RGS5: variants seen among roughly 807,000 people sequenced by gnomAD.
The protein encoded by RGS5 is regulator of G protein signaling 5.
A neutral mutation model predicts 18.9 loss-of-function variants in RGS5; 20 were observed. The ratio of observed to expected loss-of-function variants is 1.06; its 90% CI spans 0.74 to 1.54. The LOEUF is 1.54. RGS5 is among the 40% of genes most tolerant of loss of function. The pLI is 0.00. For missense variants in RGS5, 201 were observed against 211.8 expected, an observed-to-expected ratio of 0.95 and a Z score of 0.32; for synonymous variants, 57 against 76.2, an observed-to-expected ratio of 0.75 and a Z score of 1.31.
intron 1 of RGS5, among the ~76,000 whole-genome samples, chr1:163,175,990 C>T (rs1658541158): frequency 6.6e-6 from 1 of 152,128 alleles, no homozygotes; most frequent in Admixed American, 6.6e-5. Flanking sequence ...GGCTTTCACT[C>T]ATATTAGTGA....
At chr1:163,217,014 A>G (rs891379780) in intron 1 of RGS5, among the ~76,000 whole-genome samples, 1 of 152,164 alleles carries the variant, frequency 6.6e-6, no homozygotes, top group East Asian at 1.9e-4. Context: ...GGTCTCACAT[A>G]TAAGTGGAGG....
chr1:163,285,416 G>A (rs10917712), intron 2 of RGS5, among the ~76,000 whole-genome samples: 47 of 151,892 alleles, frequency 3.1e-4, no homozygotes, highest in South Asian at 4.2e-4. Context: ...TTAGCTGGGC[G>A]TGGTGGCAGG....
intron 2 of RGS5, among the ~76,000 whole-genome samples, chr1:163,273,524 A>ATT (rs1648775668): frequency 6.6e-6 from 1 of 151,874 alleles, no homozygotes; most frequent in Non-Finnish European, 1.5e-5. Context: ...CTTTTATATG[A>ATT]TTTTTATCTC....
chr1:163,257,709 C>T (rs1014983483), intron 2 of RGS5, among the ~76,000 whole-genome samples: 3 of 152,136 alleles, frequency 2.0e-5, no homozygotes, highest in African/African-American at 7.2e-5. Context: ...GACAAAGATA[C>T]CAACACACAC....
At chr1:163,262,630 GTC>G (rs1357043622) in intron 2 of RGS5, among the ~76,000 whole-genome samples, 1 of 121,764 alleles carries the variant, frequency 8.2e-6, no homozygotes, top group Non-Finnish European at 1.7e-5. Flanking sequence ...GTGTGCATGT[GTC>G]TTTATAGCAG....
chr1:163,293,130 A>G (rs1429254182), intron 2 of RGS5, among the ~76,000 whole-genome samples: 1 of 152,184 alleles, frequency 6.6e-6, no homozygotes, highest in East Asian at 1.9e-4. Flanking sequence ...GTTGTCTTCT[A>G]CGGTTTTTAT....
chr1:163,189,213 G>A (rs1659237713), intron 1 of RGS5, among the ~76,000 whole-genome samples: 1 of 152,088 alleles, frequency 6.6e-6, no homozygotes, highest in African/African-American at 2.4e-5. Flanking sequence ...TCTTACCGTG[G>A]CAAAATTAAA....
At chr1:163,275,146 C>G (rs1648820562) in intron 2 of RGS5, among the ~76,000 whole-genome samples, 1 of 152,120 alleles carries the variant, frequency 6.6e-6, no homozygotes, top group Non-Finnish European at 1.5e-5. Context: ...TTAGGCTGTT[C>G]TCAAGTCTTC....
intron 1 of RGS5, among the ~76,000 whole-genome samples, chr1:163,181,713 C>T (rs1489146494): frequency 1.3e-5 from 2 of 152,066 alleles, no homozygotes; most frequent in African/African-American, 2.4e-5. Context: ...GGTGCCTTGT[C>T]TTACTTCCTT....
At chr1:163,153,057 A>G (rs919193347) in intron 3 of RGS5, among the ~76,000 whole-genome samples, 5 of 152,226 alleles carry the variant, frequency 3.3e-5, no homozygotes, top group Non-Finnish European at 7.3e-5. Context: ...AAGGAACACT[A>G]TTAACACTAA....
At chr1:163,311,096 G>C (rs1649846379) in intron 1 of RGS5, among the ~76,000 whole-genome samples, 4 of 152,332 alleles carry the variant, frequency 2.6e-5, no homozygotes, top group African/African-American at 9.6e-5. Context: ...TTTGTGTGGA[G>C]ACACAAAGCC....
At chr1:163,217,486 T>C in intron 1 of RGS5, 1 of 1,494,478 alleles carries the variant, frequency 6.7e-7, no homozygotes, top group South Asian at 1.3e-5. Flanking sequence ...AATTATAACA[T>C]TAAAGAAAAC....
intron 1 of RGS5, chr1:163,217,479 T>C: frequency 6.7e-7 from 1 of 1,483,168 alleles, no homozygotes; most frequent in South Asian, 1.4e-5. Flanking sequence ...TCCTGTAAAT[T>C]ATAACATTAA....
upstream of RGS5, among the ~76,000 whole-genome samples, chr1:163,206,224 G>C (rs2101666215): frequency 6.6e-6 from 1 of 152,218 alleles, no homozygotes; most frequent in South Asian, 2.1e-4. Context: ...TGCTGAACCT[G>C]CTGGCACCTT....
chr1:163,207,302 ATTG>A (rs925546197), upstream of RGS5, among the ~76,000 whole-genome samples: 3 of 152,160 alleles, frequency 2.0e-5, no homozygotes, highest in Non-Finnish European at 4.4e-5. Flanking sequence ...GTCATTTCTA[ATTG>A]TTTGCTTCTG....
Position 163,180,059 on chromosome 1 carries a change from G to C in RGS5, c.45-11691C>G, listed in dbSNP as rs995885264. On this transcript the variant is annotated intron_variant, in intron 1 of 4. Coordinates refer to ENST00000313961, the MANE Select transcript of RGS5 (RefSeq NM_003617.4). ...ATTTTTTGAGACAGGGTCTCACTCT[G>C]TCACCCAGATTGGAGTGCAGTGGCA... 4.6e-4 allele frequency among the ~76,000 whole-genome samples: 70 copies of C among 152,232 alleles called. 1 individual carries two copies. The highest frequency in any genetic ancestry group is 4.7e-4 in the Non-Finnish European group (32 of 68,022).
intron 1 of RGS5, among the ~76,000 whole-genome samples, chr1:163,201,195 AAAGTC>A (rs879307046): frequency 4.6e-5 from 7 of 152,190 alleles, no homozygotes; most frequent in African/African-American, 1.4e-4. Flanking sequence ...AGCATCCATT[AAAGTC>A]AAGTTGCAAT....
chr1:163,319,241 A>G (rs1246295172), intron 1 of RGS5: 2 of 152,288 alleles, frequency 1.3e-5, no homozygotes, highest in African/African-American at 4.8e-5. Context: ...CTTGTCACTC[A>G]AAGGTCCACT....
At chr1:163,252,319 T>C (rs182212505) in intron 2 of RGS5, among the ~76,000 whole-genome samples, 73 of 152,346 alleles carry the variant, frequency 4.8e-4, no homozygotes, top group African/African-American at 1.7e-3. Flanking sequence ...TCTTTATATA[T>C]TCTACATAAA....
Sources: gnomAD v4.1 joint callset for allele counts (sites outside exome capture counted in the v4.1 genomes callset) on GRCh38, gnomAD v4.1.1 for gene constraint, MANE v1.5 for transcripts, NCBI Gene and HGNC (gene_info 2026-07-23, HGNC 2026-07-21) for gene names.